Variants in PPP1R13L observed in about 807,000 individuals in gnomAD.
The protein encoded by PPP1R13L is protein phosphatase 1 regulatory subunit 13 like, also known as relA-associated inhibitor.
A neutral mutation model predicts 80.9 loss-of-function variants in PPP1R13L; 50 were observed. The ratio of observed to expected loss-of-function variants is 0.62; its 90% confidence interval spans 0.49 to 0.78. PPP1R13L has a LOEUF of 0.78. Among genes scored for constraint, PPP1R13L ranks in the 30% least tolerant of loss-of-function variants. The pLI is 0.00. For missense variants in PPP1R13L, 1,200 were observed against 1,205.9 expected, an observed-to-expected ratio of 1.00 and a Z score of 0.07; for synonymous variants, 602 against 534.3, an observed-to-expected ratio of 1.13 and a Z score of -1.75.
At chr19:45,386,656 A>G (rs1972877258) in intron 8 of PPP1R13L, among the ~76,000 whole-genome samples, 1 of 129,598 alleles carries the variant, frequency 7.7e-6, no homozygotes, top group Non-Finnish European at 1.6e-5. Flanking sequence ...TTTGAGATGG[A>G]GTCTCGCTCT....
intron 8 of PPP1R13L, among the ~76,000 whole-genome samples, chr19:45,387,123 C>G (rs1192029218): frequency 6.6e-6 from 1 of 151,678 alleles, no homozygotes; most frequent in Admixed American, 6.6e-5. Context: ...AAAAAATTAG[C>G]CTGACATGGT....
intron 8 of PPP1R13L, among the ~76,000 whole-genome samples, chr19:45,390,916 AG>A (rs1390938577): frequency 1.3e-5 from 2 of 152,074 alleles, no homozygotes; most frequent in African/African-American, 2.4e-5. Flanking sequence ...GAGAGAGCAA[AG>A]CCAGGAACAG....
upstream of PPP1R13L, chr19:45,405,158 C>A (rs570001682): frequency 2.0e-6 from 1 of 498,088 alleles, no homozygotes; most frequent in African/African-American, 2.1e-5. Flanking sequence ...AAGGTCGCCT[C>A]GAGCACCTTG....
Position 45,401,870 on chromosome 19 carries a change from G to A in PPP1R13L, c.-22+3129C>T, listed in dbSNP as rs1599780547. 2 of 152,008 alleles carry A rather than the reference G, an allele frequency of 1.3e-5. 1 individual carries two copies. Among genetic ancestry groups the A allele is most frequent in the South Asian group, 4.2e-4 (2 of 4,814 alleles). 9.4% of individuals were successfully genotyped at this position (152,008 alleles called of 1,614,324 possible). A position where few individuals can be genotyped will look rare whatever the true frequency, so the allele number is the denominator to read the frequency against. On this transcript the variant is annotated intron_variant, in intron 1 of 12. Coordinates refer to ENST00000360957, the MANE Select transcript of PPP1R13L (RefSeq NM_006663.4). ...ATCCTTGCACTTTGGGAGGCCGAGGGGGGAGGATCACTTGAGGCCAGGAGT... is the reference window on the plus strand; with the variant it reads ...ATCCTTGCACTTTGGGAGGCCGAGGAGGGAGGATCACTTGAGGCCAGGAGT...
At chr19:45,389,123 G>T (rs957655018) in intron 8 of PPP1R13L, among the ~76,000 whole-genome samples, 1 of 152,122 alleles carries the variant, frequency 6.6e-6, no homozygotes, top group Non-Finnish European at 1.5e-5. Context: ...TGACACTAGC[G>T]TTTGATTCTT....
chr19:45,401,486 C>T (rs1424400376), intron 1 of PPP1R13L, among the ~76,000 whole-genome samples: 1 of 152,116 alleles, frequency 6.6e-6, no homozygotes, highest in East Asian at 1.9e-4. Flanking sequence ...GCATGAGCCA[C>T]CACACCTGGC....
rs1291817411 is a variant in PPP1R13L at position 45,385,862 on chromosome 19, G to A, written c.2043C>T (p.Thr681=). 1 of 1,610,798 alleles carries A rather than the reference G, an allele frequency of 6.2e-7. No individual in the cohort carries two copies. Among genetic ancestry groups the A allele is most frequent in the East Asian group, 2.2e-5 (1 of 44,780 alleles). The part of the protein sequence containing the change: ...ANYSIVDFLI[T]AGANVNSPDS... ...CGGGGGAGTTGACATTGGCACCCGC[G>A]GTGATGAGGAAATCCACGATAGAGT... The change falls in exon 10 of 13, where the codon ACC becomes ACT. Residue 681 remains threonine, a synonymous_variant. Coordinates refer to ENST00000360957, the MANE Select transcript of PPP1R13L (RefSeq NM_006663.4).
At chr19:45,384,450 G>A (rs1046799776) in intron 11 of PPP1R13L, among the ~76,000 whole-genome samples, 10 of 151,656 alleles carry the variant, frequency 6.6e-5, no homozygotes, top group Middle Eastern at 3.4e-3. Context: ...CAGGAGAATC[G>A]CTTTCACCGA....
Position 45,385,934 on chromosome 19 carries a change from G to C in PPP1R13L, c.1971C>G (p.Asn657Lys). 6.2e-7 allele frequency: 1 copy of C among 1,612,534 alleles called. No individual in the cohort carries two copies. The highest frequency in any genetic ancestry group is 1.1e-5 in the South Asian group (1 of 90,828). Residue 657 changes from asparagine to lysine, a missense_variant, in exon 10 of 13, where the codon AAC (asparagine) becomes AAG (lysine). Around this residue, in one of 5 missense-constraint regions of PPP1R13L, gnomAD observed 214 missense variants for 199.6 expected, o/e 1.07. Coordinates refer to ENST00000360957, the MANE Select transcript of PPP1R13L (RefSeq NM_006663.4). ...VKEMNDPSQP[N>K]EEGITALHNA... is the part of the protein sequence containing the mutation. ...TGTGCAAGGCAGTGATGCCCTCCTC[G>C]TTGGGCTGGCTCGGGTCGTTCATCT...
Position 45,395,451 on chromosome 19 carries a change from G to A in PPP1R13L, c.1339C>T (p.Pro447Ser). 2 of 1,493,636 alleles carry A rather than the reference G, an allele frequency of 1.3e-6. No individual in the cohort carries two copies. Among genetic ancestry groups the A allele is most frequent in the South Asian group, 1.2e-5 (1 of 83,036 alleles). 92.5% of individuals were successfully genotyped at this position (1,493,636 alleles called of 1,614,324 possible). Reference sequence around the variant, plus strand: ...GCTGACTCACCTTCGTTCACAGGGGGCCATGTCTGTTGGGGATGCTGGGGG... The same window carrying A: ...GCTGACTCACCTTCGTTCACAGGGGACCATGTCTGTTGGGGATGCTGGGGG... ...PAPQHPQQTW[P>S]PVNEGPPKPP... The change falls in exon 7 of 13, where the codon CCC (proline) becomes TCC (serine). Residue 447 changes from proline to serine, a missense_variant. Physicochemically the swap from Pro to Ser is moderately conservative, Grantham distance 74 (BLOSUM62 -1). Transcript: ENST00000360957.
intron 7 of PPP1R13L, 53 bp downstream of exon 7, chr19:45,395,383 T>G: frequency 6.4e-7 from 1 of 1,565,206 alleles, no homozygotes; most frequent in South Asian, 1.2e-5. Flanking sequence ...CTGGTCCCCC[T>G]GCCATTTGTC....
In PPP1R13L at chr19:45,396,726, G is replaced by A. The variant is rs1240661500; in HGVS notation, c.531C>T (p.Phe177=). 2.2e-6 allele frequency: 3 copies of A among 1,391,342 alleles called. No individual in the cohort carries two copies. Among genetic ancestry groups the A allele is most frequent in the African/African-American group, 3.0e-5 (2 of 66,172 alleles). 86.2% of individuals were successfully genotyped at this position (1,391,342 alleles called of 1,614,324 possible). ...RQQGPPTPFD[F]LGRAGSPRGS... is the part of the protein sequence containing the mutation. ...CGCGGGGGGAGCCTGCGCGGCCCAG[G>A]AAGTCGAAAGGCGTGGGGGGACCCT... Residue 177 remains phenylalanine, a synonymous_variant, in exon 4 of 13, where the codon TTC becomes TTT. Coordinates refer to ENST00000360957, the MANE Select transcript of PPP1R13L (RefSeq NM_006663.4). The surrounding 1 kb of genome is among the most constrained non-coding windows in gnomAD (Gnocchi z 5.3).
At chr19:45,387,057 C>T (rs1392039912) in intron 8 of PPP1R13L, among the ~76,000 whole-genome samples, 1 of 151,520 alleles carries the variant, frequency 6.6e-6, no homozygotes, top group African/African-American at 2.4e-5. Context: ...TCACTTGAGC[C>T]CAGGAGTTCG....
chr19:45,397,012 CG>C lies in PPP1R13L; in HGVS notation c.244del (p.Arg82GlufsTer142). On this transcript the variant is annotated frameshift_variant, in exon 4 of 13. Transcript: ENST00000360957. LOFTEE classifies it high-confidence loss of function. ...GGTGGCCGCCTTCCGGGGGGACCCTCGGCTGCCGAAGGGCTCAGGGATCGAG... is the reference window on the plus strand; with the variant it reads ...GGTGGCCGCCTTCCGGGGGGACCCTCGCTGCCGAAGGGCTCAGGGATCGAG... ...SSSIPEPFGS[R>X]GSPRKAATDG... 2 of 1,367,650 alleles carry C rather than the reference CG, an allele frequency of 1.5e-6. No homozygotes were observed. The highest frequency in any genetic ancestry group is 1.9e-6 in the Non-Finnish European group (2 of 1,062,300). The allele number at this position is 1,367,650 out of a possible 1,614,324, so 84.7% of individuals were successfully genotyped here. A position where few individuals can be genotyped will look rare whatever the true frequency, so the allele number is the denominator to read the frequency against.
chr19:45,380,293 C>A, intron 12 of PPP1R13L, 65 bp from the exon 13 acceptor site: 4 of 1,579,276 alleles, frequency 2.5e-6, no homozygotes, highest in Non-Finnish European at 3.5e-6. Flanking sequence ...TGCAAATCCG[C>A]TGCCTGTCTC....
chr19:45,396,684 C>T lies in PPP1R13L; in HGVS notation c.573G>A (p.Glu191=). Residue 191 remains glutamate (E), a synonymous_variant, in exon 4 of 13, where the codon GAG becomes GAA. Coordinates refer to ENST00000360957, the MANE Select transcript of PPP1R13L (RefSeq NM_006663.4). This position sits in a 1 kb window ranked among gnomAD's most constrained non-coding sequence, Gnocchi z 5.3. ...GCTCGGGGAAGAAGGCCTGGGGCCC[C>T]TCCGCCAGGGGGCTGCCGCGGGGGG... ...AGSPRGSPLA[E]GPQAFFPERG... The T allele has an allele frequency of 7.0e-7, 1 of 1,427,652 alleles. No individual in the cohort carries two copies. The highest frequency in any genetic ancestry group is 1.6e-5 in the South Asian group (1 of 63,712). The allele number at this position is 1,427,652 out of a possible 1,614,324, so 88.4% of individuals were successfully genotyped here.
chr19:45,383,487 G>A (rs971674182), intron 11 of PPP1R13L, among the ~76,000 whole-genome samples: 1 of 150,834 alleles, frequency 6.6e-6, no homozygotes, highest in South Asian at 2.1e-4. Flanking sequence ...TAGAGACGGG[G>A]TTTCACCATG....
At chr19:45,390,051 A>C (rs1972940831) in intron 8 of PPP1R13L, among the ~76,000 whole-genome samples, 1 of 151,464 alleles carries the variant, frequency 6.6e-6, no homozygotes, top group African/African-American at 2.4e-5. Context: ...TCGGCCTCCC[A>C]AAATGCTGGG....
rs1165722048 is a variant in PPP1R13L, at chr19:45,386,058, C to A, written c.1938G>T (p.Ala646=). ...LTGELEVVQQ[A]VKEMNDPSQP... ...GCTCAGCAGCGCTCACCTCCTTCAC[C>A]GCCTGCTGCACCACCTCCAGCTCCC... The change falls in exon 9 of 13, where the codon GCG becomes GCT. Residue 646 remains alanine, a synonymous_variant. Coordinates refer to ENST00000360957, the MANE Select transcript of PPP1R13L (RefSeq NM_006663.4). 4.4e-6 allele frequency: 7 copies of A among 1,586,858 alleles called. No homozygotes were observed. Among genetic ancestry groups the A allele is most frequent in the Non-Finnish European group, 6.0e-6 (7 of 1,169,620 alleles).
Sources: gnomAD v4.1 joint callset for allele counts (sites outside exome capture counted in the v4.1 genomes callset) on GRCh38, gnomAD v4.1.1 for gene constraint, gnomAD v4.1.1 regional missense constraint, Gnocchi (gnomAD v3.1) non-coding constraint, MANE v1.5 for transcripts, NCBI Gene and HGNC (gene_info 2026-07-23, HGNC 2026-07-21) for gene names.